Variants in TUBGCP5 observed in about 807,000 individuals in gnomAD.
The protein encoded by TUBGCP5 is gamma-tubulin complex component 5.
Under a neutral mutation model 134.7 loss-of-function variants are expected in TUBGCP5, and 98 were observed. The ratio of observed to expected loss-of-function variants is 0.73; its 90% CI spans 0.62 to 0.86. The LOEUF (loss-of-function observed/expected upper bound fraction) is 0.86. Ranked by LOEUF, TUBGCP5 falls within the 40% of genes least tolerant of loss-of-function variation. The pLI is 0.00. For missense variants in TUBGCP5, 1,150 were observed against 1,244.8 expected, an observed-to-expected ratio of 0.92 and a Z score of 1.15; for synonymous variants, 456 against 431.4, an observed-to-expected ratio of 1.06 and a Z score of -0.71.
chr15:23,012,639 C>T (rs996000369), intron 13 of TUBGCP5, among the ~76,000 whole-genome samples: 5 of 152,178 alleles, frequency 3.3e-5, no homozygotes, highest in African/African-American at 1.2e-4. Flanking sequence ...ATCTCCTGAC[C>T]TCGTGATCTG....
In TUBGCP5 at chr15:23,018,116, C is replaced by G. The variant is rs185068491; in HGVS notation, c.1488-75G>C. ...CAGCATACTTGTTCTAGTTTGTTGT[C>G]CAGACATTATAAAACATAGTATTAA... On this transcript the variant is annotated intron_variant, in intron 12 of 22. Coordinates refer to ENST00000615383, the MANE Select transcript of TUBGCP5 (RefSeq NM_052903.6). 7 of 1,404,990 alleles carry G rather than the reference C, an allele frequency of 5.0e-6. No homozygotes were observed. In the East Asian group the frequency reaches 1.2e-4, roughly 24 times the overall value. The allele number at this position is 1,404,990 out of a possible 1,614,324, so 87.0% of individuals were successfully genotyped here. A position where few individuals can be genotyped will look rare whatever the true frequency, so the allele number is the denominator to read the frequency against.
chr15:23,015,337 T>C (rs139111044), intron 13 of TUBGCP5, among the ~76,000 whole-genome samples: 5,407 of 150,860 alleles, frequency 0.036, 234 homozygotes, highest in African/African-American at 0.1. Context: ...CCACCTGCCT[T>C]GGCCTCCGAA....
rs2065170629 is a variant in TUBGCP5 at position 23,013,779 on chromosome 15, C to A, written c.1757-2448G>T. Among the ~76,000 whole-genome samples, 1 of 152,168 alleles carries A rather than the reference C, an allele frequency of 6.6e-6. No individual in the cohort carries two copies. Among genetic ancestry groups the A allele is most frequent in the Non-Finnish European group, 1.5e-5 (1 of 68,020 alleles). ...GGGGCACAAGGTGTGCCTTCCCCAC[C>A]CACCCCTTTGAGCCAAGCTGTTGCA... On this transcript the variant is annotated intron_variant, in intron 13 of 22. Transcript: ENST00000615383. This position sits in a 1 kb window ranked among gnomAD's most constrained non-coding sequence, Gnocchi z 4.5.
downstream of TUBGCP5, among the ~76,000 whole-genome samples, chr15:22,998,260 A>G (rs1278187322): frequency 6.6e-6 from 1 of 152,130 alleles, no homozygotes; most frequent in Non-Finnish European, 1.5e-5. Context: ...GGTTGTAGTG[A>G]GCCGAGATCG....
At chr15:23,039,199 C>T (rs1310820263) in intron 1 of TUBGCP5, among the ~76,000 whole-genome samples, 199 bp downstream of exon 1, 1 of 151,944 alleles carries the variant, frequency 6.6e-6, no homozygotes, top group Non-Finnish European at 1.5e-5. Context: ...GGTAACACGC[C>T]CTGTGGTGCG....
Position 23,005,422 on chromosome 15 carries a change from A to G in TUBGCP5, c.2712+10T>C. The G allele has an allele frequency of 1.2e-6, 2 of 1,613,124 alleles. No homozygotes were observed. The highest frequency in any genetic ancestry group is 1.7e-6 in the Non-Finnish European group (2 of 1,179,358). The stretch of plus-strand genomic sequence containing the variant: ...ACGATAGAACTGAAGCAGATGGGAG[A>G]GGCACAAACCCTGGTCATGATGTAG... On this transcript the variant is annotated intron_variant, in intron 19 of 22. Transcript: ENST00000615383.
Position 23,039,383 on chromosome 15 carries a change from C to A in TUBGCP5, c.146+15G>T, listed in dbSNP as rs747568412. The A allele has an allele frequency of 3.5e-5, 50 of 1,426,446 alleles. No individual in the cohort carries two copies. Among genetic ancestry groups the A allele is most frequent in the Non-Finnish European group, 4.4e-5 (47 of 1,077,594 alleles). The allele number at this position is 1,426,446 out of a possible 1,614,324, so 88.4% of individuals were successfully genotyped here. A position where few individuals can be genotyped will look rare whatever the true frequency, so the allele number is the denominator to read the frequency against. On this transcript the variant is annotated intron_variant, in intron 1 of 22. Coordinates refer to ENST00000615383, the MANE Select transcript of TUBGCP5 (RefSeq NM_052903.6). The stretch of plus-strand genomic sequence containing the variant: ...GGCTGTGGCCGGGAACCCGCCCGCG[C>A]GCCGTGCCCCACACCTGAAGTTGGA...
At chr15:23,002,992 CCT>C (rs1409568447) in intron 21 of TUBGCP5, 71 bp downstream of exon 21, 1 of 1,485,234 alleles carries the variant, frequency 6.7e-7, no homozygotes, top group East Asian at 2.3e-5. Flanking sequence ...CTGGGAAGAC[CCT>C]GTCTCTAAAA....
chr15:23,007,546 A>G (rs1011146185), intron 16 of TUBGCP5, among the ~76,000 whole-genome samples: 1 of 152,214 alleles, frequency 6.6e-6, no homozygotes, highest in Non-Finnish European at 1.5e-5. Context: ...AGCCCAGTGC[A>G]GCACACGAAG....
chr15:23,020,259 T>C (rs759316854), intron 11 of TUBGCP5, among the ~76,000 whole-genome samples: 4 of 151,734 alleles, frequency 2.6e-5, no homozygotes, highest in Non-Finnish European at 5.9e-5. Context: ...ATACAAAAAT[T>C]AGATGGGCAT....
At chr15:23,011,421 T>A in intron 13 of TUBGCP5, 90 bp from the exon 14 acceptor site, 1 of 527,962 alleles carries the variant, frequency 1.9e-6, no homozygotes, top group Non-Finnish European at 3.0e-6. Context: ...ATTAACAATA[T>A]ATTAAGTAAC....
chr15:23,032,622 A>T, intron 4 of TUBGCP5, 106 bp downstream of exon 4: 1 of 706,502 alleles, frequency 1.4e-6, no homozygotes, highest in Non-Finnish European at 2.2e-6. Flanking sequence ...GAAATACTTT[A>T]GTTTCACAGA....
intron 23 of TUBGCP5, among the ~76,000 whole-genome samples, chr15:22,993,480 C>G (rs2063921688): frequency 6.6e-6 from 1 of 150,460 alleles, no homozygotes; most frequent in Non-Finnish European, 1.5e-5. Flanking sequence ...TCACTAGACC[C>G]TCGACCTCCT....
chr15:23,002,270 G>T (rs1359079052), intron 21 of TUBGCP5, among the ~76,000 whole-genome samples: 2 of 152,136 alleles, frequency 1.3e-5, no homozygotes, highest in Non-Finnish European at 2.9e-5. Flanking sequence ...TTGATTCCGA[G>T]TACAGCCAAT....
In TUBGCP5 at chr15:23,010,091, A is replaced by G. The variant is rs777830646; in HGVS notation, c.1998T>C (p.Gly666=). ...ATGATCTATCCACACATACATCACC[A>G]CCAGCAAACTTCTCGTGAAAGTCAC... The part of the protein sequence containing the change: ...EQSDFHEKFA[G]GDVCVDRSSE... The change falls in exon 15 of 23, where the codon GGT becomes GGC. Residue 666 remains glycine (G), a synonymous_variant. Transcript: ENST00000615383. The G allele has an allele frequency of 3.1e-6, 5 of 1,613,990 alleles. No homozygotes were observed. The highest frequency in any genetic ancestry group is 1.6e-4 in the Middle Eastern group (1 of 6,062).
rs537466653 is a variant in TUBGCP5, at chr15:23,008,288, T to C, written c.2327+411A>G. ...CCTCAATTTTTTCTTTTTTTTTAAATGGAGTCTCGTTCTTGTCGCCCAGGC... is the reference window on the plus strand; with the variant it reads ...CCTCAATTTTTTCTTTTTTTTTAAACGGAGTCTCGTTCTTGTCGCCCAGGC... On this transcript the variant is annotated intron_variant, in intron 16 of 22. Transcript: ENST00000615383. Among the ~76,000 whole-genome samples the C allele has an allele frequency of 1.8e-4, 27 of 152,150 alleles. No homozygotes were observed. The South Asian group carries it at 5.6e-3, about 32-fold the overall frequency.
chr15:23,009,530 A>G (rs1175698919), intron 15 of TUBGCP5, among the ~76,000 whole-genome samples: 2 of 152,022 alleles, frequency 1.3e-5, no homozygotes, highest in Non-Finnish European at 2.9e-5. Context: ...AGCCTCCCAA[A>G]GTGCTGGGAT....
At chr15:23,011,966 G>A (rs1407915188) in intron 13 of TUBGCP5, among the ~76,000 whole-genome samples, 3 of 151,506 alleles carry the variant, frequency 2.0e-5, no homozygotes, top group South Asian at 2.1e-4. Flanking sequence ...AAAATTAGCT[G>A]AGTGCAGTGG....
chr15:22,992,182 T>C (rs2063865411), intron 23 of TUBGCP5, among the ~76,000 whole-genome samples: 1 of 152,174 alleles, frequency 6.6e-6, no homozygotes, highest in African/African-American at 2.4e-5. Flanking sequence ...GAAGTTTTAC[T>C]TTCATTGACT....
Sources: gnomAD v4.1 joint callset for allele counts (sites outside exome capture counted in the v4.1 genomes callset) on GRCh38, gnomAD v4.1.1 for gene constraint, Gnocchi (gnomAD v3.1) non-coding constraint, MANE v1.5 for transcripts, NCBI Gene and HGNC (gene_info 2026-07-23, HGNC 2026-07-21) for gene names.